The following TBC1D22A variants were observed in gnomAD, a reference collection of about 807,000 sequenced individuals.
TBC1D22A encodes putative GTPase activator.
A neutral mutation model predicts 60.2 loss-of-function variants in TBC1D22A; 38 were observed. The ratio of observed to expected loss-of-function variants is 0.63; its 90% CI spans 0.49 to 0.83. The LOEUF is 0.83. TBC1D22A is among the 40% of genes least tolerant of loss of function. TBC1D22A has a pLI of 0.00. For synonymous variants in TBC1D22A, 302 were observed against 281.7 expected (o/e 1.07, Z -0.72); for missense variants, 628 against 701.0 (o/e 0.90, Z 1.18).
chr22:46,828,450 G>T (rs1249573238), intron 4 of TBC1D22A, among the ~76,000 whole-genome samples: 1 of 152,250 alleles, frequency 6.6e-6, no homozygotes, highest in South Asian at 2.1e-4. Flanking sequence ...TGAGATGTTT[G>T]TCTGTTGCAT....
rs79069789 is a variant in TBC1D22A, at chr22:46,854,570, C to T, written c.638-24083C>T. ...TGTTCTTGTTGTTTCCGGATGTTCT[C>T]GCGCTAATTCCTTCAGCCTTTCCTT... is the stretch of plus-strand genomic sequence containing the variant. On this transcript the variant is annotated intron_variant, in intron 4 of 12. Transcript: ENST00000337137. Among the ~76,000 whole-genome samples, 136 of 151,954 alleles carry T rather than the reference C, an allele frequency of 9.0e-4. 1 individual carries two copies. Among genetic ancestry groups the T allele is most frequent in the African/African-American group, 3.0e-3 (125 of 41,430 alleles).
rs746812615 is a variant in TBC1D22A at position 46,891,383 on chromosome 22, A to C, written c.826A>C (p.Thr276Pro). ...DSRNDEVHQDTYRQIHIDIPR... is the reference protein window; with the variant it reads ...DSRNDEVHQDPYRQIHIDIPR... ...TAGGAACGACGAAGTTCACCAGGAC[A>C]CATACAGGCAGGTGGGAATCCTTTC... Residue 276 changes from threonine to proline, a missense_variant, in exon 6 of 13, where the codon ACA (threonine) becomes CCA (proline). Thr to Pro is a conservative substitution (Grantham distance 38, BLOSUM62 -1). Coordinates refer to ENST00000337137, the MANE Select transcript of TBC1D22A (RefSeq NM_014346.5). 2.2e-5 allele frequency: 35 copies of C among 1,607,292 alleles called. No homozygotes were observed. Among genetic ancestry groups the C allele is most frequent in the Non-Finnish European group, 2.9e-5 (34 of 1,177,980 alleles).
intron 5 of TBC1D22A, among the ~76,000 whole-genome samples, chr22:46,883,304 G>A (rs970583368): frequency 1.3e-5 from 2 of 152,220 alleles, no homozygotes; most frequent in South Asian, 4.1e-4. Flanking sequence ...GTATATGCAT[G>A]CATTGTTTTA....
chr22:46,792,948 T>A, intron 2 of TBC1D22A: 5 of 1,177,790 alleles, frequency 4.2e-6, no homozygotes, highest in Non-Finnish European at 5.7e-6. Flanking sequence ...TGGCCTGTCC[T>A]GGCCCCTCCA....
chr22:46,925,068 G>GT (rs2147861436), intron 8 of TBC1D22A, among the ~76,000 whole-genome samples: 1 of 152,334 alleles, frequency 6.6e-6, no homozygotes, highest in Admixed American at 6.5e-5. Context: ...GCTGGTGCTA[G>GT]TTTCTCATTG....
intron 10 of TBC1D22A, among the ~76,000 whole-genome samples, chr22:47,002,290 C>T (rs758675553): frequency 5.3e-5 from 8 of 152,198 alleles, no homozygotes; most frequent in South Asian, 4.1e-4. Context: ...ACATCTGTCA[C>T]GTCTGATGTT....
At chr22:46,947,440 T>G (rs1368640076) in intron 8 of TBC1D22A, among the ~76,000 whole-genome samples, 1 of 152,180 alleles carries the variant, frequency 6.6e-6, no homozygotes, top group South Asian at 2.1e-4. Context: ...TTTGAGACCC[T>G]TCAGTCCTCC....
chr22:46,935,346 T>C (rs1305159969), intron 8 of TBC1D22A, among the ~76,000 whole-genome samples: 1 of 152,076 alleles, frequency 6.6e-6, no homozygotes, highest in Non-Finnish European at 1.5e-5. Flanking sequence ...TGAGAAAAAA[T>C]GGGAATTCTT....
intron 10 of TBC1D22A, among the ~76,000 whole-genome samples, chr22:46,999,792 G>A (rs1057120196): frequency 3.9e-5 from 6 of 152,204 alleles, no homozygotes; most frequent in African/African-American, 1.4e-4. Flanking sequence ...TTGGGAGGCC[G>A]AGGCAGGCGG....
intron 11 of TBC1D22A, among the ~76,000 whole-genome samples, chr22:47,039,900 G>C (rs994246266): frequency 6.7e-6 from 1 of 149,522 alleles, no homozygotes; most frequent in Non-Finnish European, 1.5e-5. Flanking sequence ...TTCCATGGCT[G>C]GAGCAGGAGC....
intron 8 of TBC1D22A, among the ~76,000 whole-genome samples, chr22:46,917,928 G>A (rs1362140496): frequency 6.6e-6 from 1 of 152,156 alleles, no homozygotes; most frequent in Admixed American, 6.5e-5. Flanking sequence ...GCTGAGGGCC[G>A]CCTTTGGGAT....
chr22:47,013,559 C>T (rs2061818738), intron 10 of TBC1D22A, among the ~76,000 whole-genome samples: 1 of 152,178 alleles, frequency 6.6e-6, no homozygotes, highest in Admixed American at 6.5e-5. Context: ...TGTCTTTTCT[C>T]TTCTTCATTT....
chr22:47,042,843 A>G (rs1222508025), intron 11 of TBC1D22A, among the ~76,000 whole-genome samples: 1 of 152,192 alleles, frequency 6.6e-6, no homozygotes, highest in African/African-American at 2.4e-5. Flanking sequence ...CTTAGGTGAA[A>G]TGTCTTCATT....
chr22:46,945,536 C>T (rs2072481074), intron 8 of TBC1D22A, among the ~76,000 whole-genome samples: 2 of 152,318 alleles, frequency 1.3e-5, no homozygotes, highest in East Asian at 1.9e-4. Context: ...GATCCTAACC[C>T]AGGCTGCAGC....
chr22:47,143,336 A>C (rs922523255), intron 12 of TBC1D22A, among the ~76,000 whole-genome samples: 1 of 152,232 alleles, frequency 6.6e-6, no homozygotes, highest in Non-Finnish European at 1.5e-5. Flanking sequence ...AGTACTTGGC[A>C]GTGACCCTTT....
At chr22:47,059,608 T>C (rs1045763601) in intron 11 of TBC1D22A, among the ~76,000 whole-genome samples, 2 of 152,118 alleles carry the variant, frequency 1.3e-5, no homozygotes, top group African/African-American at 4.8e-5. Context: ...GAATGAAGAA[T>C]TACCGATCTC....
At chr22:46,973,336 G>T (rs1207818698) in intron 8 of TBC1D22A, among the ~76,000 whole-genome samples, 3 of 152,220 alleles carry the variant, frequency 2.0e-5, no homozygotes, top group African/African-American at 4.8e-5. Context: ...CGGGGCTCAA[G>T]GGTGGTGACA....
intron 12 of TBC1D22A, among the ~76,000 whole-genome samples, chr22:47,123,205 C>A (rs900142542): frequency 1.3e-5 from 2 of 152,116 alleles, no homozygotes; most frequent in African/African-American, 4.8e-5. Context: ...GGCCTGAAAA[C>A]AGAGAGCACC....
chr22:47,120,966 TAAAC>T (rs1450206340), intron 12 of TBC1D22A, among the ~76,000 whole-genome samples: 1 of 152,190 alleles, frequency 6.6e-6, no homozygotes, highest in Non-Finnish European at 1.5e-5. Context: ...AGAAACATCA[TAAAC>T]AAAATTCAAA....
Sources: allele counts gnomAD v4.1 joint callset (sites outside exome capture counted in the v4.1 genomes callset), GRCh38; gene constraint gnomAD v4.1.1; transcripts MANE v1.5; gene names NCBI Gene and HGNC (gene_info 2026-07-23, HGNC 2026-07-21).